Variants in COG5 observed in about 807,000 individuals in gnomAD.
The protein encoded by COG5 is component of oligomeric golgi complex 5.
In COG5, 86 loss-of-function variants were observed where a neutral mutation model predicts 110.4. That is an observed-to-expected ratio of 0.78 (90% CI 0.65 to 0.93). The LOEUF is 0.93. Ranked by LOEUF, COG5 falls within the 40% of genes least tolerant of loss-of-function variation. The pLI is 0.00. For synonymous variants in COG5, 360 were observed against 334.6 expected (o/e 1.08, Z -0.83); for missense variants, 1,077 against 987.0 (o/e 1.09, Z -1.22).
intron 6 of COG5, among the ~76,000 whole-genome samples, chr7:107,470,646 A>G (rs1215973545): frequency 6.6e-6 from 1 of 152,116 alleles, no homozygotes; most frequent in Non-Finnish European, 1.5e-5. Flanking sequence ...AAATACAAAT[A>G]TTCTTTGTAA....
Position 107,290,645 on chromosome 7 carries a change from A to G in COG5, c.1314-6913T>C, listed in dbSNP as rs75313311. ...TTCTCTTTTTTAAATCAAGGAAAGT[A>G]TTTTGCCTTCATTTTTGAAAGGACA... is the stretch of plus-strand genomic sequence containing the variant. On this transcript the variant is annotated intron_variant, in intron 12 of 21. Transcript: ENST00000297135. Among the ~76,000 whole-genome samples, 858 of 152,204 alleles carry G rather than the reference A, an allele frequency of 5.6e-3. 48 individuals are homozygous for G. The East Asian group carries it at 0.11, about 19-fold the overall frequency.
At chr7:107,475,937 A>G (rs939255830) in intron 6 of COG5, among the ~76,000 whole-genome samples, 3 of 151,502 alleles carry the variant, frequency 2.0e-5, no homozygotes, top group Non-Finnish European at 4.4e-5. Flanking sequence ...CATAGAATTT[A>G]TCAAAATTTT....
At chr7:107,226,310 T>G (rs138437501) in intron 19 of COG5, among the ~76,000 whole-genome samples, 10 of 152,324 alleles carry the variant, frequency 6.6e-5, no homozygotes, top group Admixed American at 2.0e-4. Flanking sequence ...AAGGTCTAAC[T>G]TGGATGATGC....
chr7:107,558,626 C>T (rs62483724), intron 1 of COG5, among the ~76,000 whole-genome samples: 60,622 of 149,668 alleles, frequency 0.41, 12,682 homozygotes, highest in Non-Finnish European at 0.47. Flanking sequence ...GTGGCTCACA[C>T]CTGTAATCCC....
chr7:107,455,541 CAA>C (rs941793833), intron 6 of COG5, among the ~76,000 whole-genome samples: 15 of 152,076 alleles, frequency 9.9e-5, no homozygotes, highest in African/African-American at 3.1e-4. Flanking sequence ...AAAAAGAAAA[CAA>C]AGAATATGTG....
chr7:107,386,932 C>T (rs535316284), intron 7 of COG5, among the ~76,000 whole-genome samples: 90 of 152,230 alleles, frequency 5.9e-4, no homozygotes, highest in Non-Finnish European at 1.2e-3. Context: ...CCTTTTCCCT[C>T]AGCCCCACTA....
intron 10 of COG5, among the ~76,000 whole-genome samples, chr7:107,328,163 T>G (rs1809930162): frequency 6.6e-6 from 1 of 152,230 alleles, no homozygotes; most frequent in African/African-American, 2.4e-5. Context: ...AATCACAGAA[T>G]GTACTTACAC....
At chr7:107,335,623 T>C (rs1372029346) in intron 10 of COG5, among the ~76,000 whole-genome samples, 1 of 152,134 alleles carries the variant, frequency 6.6e-6, no homozygotes, top group Non-Finnish European at 1.5e-5. Context: ...TTATTAGTAA[T>C]AACAGCGAAT....
chr7:107,419,910 A>C (rs778635244), intron 6 of COG5, among the ~76,000 whole-genome samples: 5 of 152,226 alleles, frequency 3.3e-5, no homozygotes, highest in African/African-American at 7.2e-5. Flanking sequence ...AAAGCCTATT[A>C]AATAACACGT....
At chr7:107,363,445 C>T (rs1813303159) in intron 8 of COG5, among the ~76,000 whole-genome samples, 2 of 152,046 alleles carry the variant, frequency 1.3e-5, no homozygotes, top group South Asian at 4.2e-4. Context: ...CAAAATAATA[C>T]TGATGGTAAT....
At chr7:107,557,525 G>A (rs527934752) in intron 2 of COG5, among the ~76,000 whole-genome samples, 2 of 152,228 alleles carry the variant, frequency 1.3e-5, no homozygotes, top group South Asian at 2.1e-4. Context: ...ATTAGGACCC[G>A]TCGCCTAACA....
chr7:107,518,499 G>A (rs557708885), intron 6 of COG5, among the ~76,000 whole-genome samples: 19 of 151,982 alleles, frequency 1.3e-4, no homozygotes, highest in Admixed American at 4.6e-4. Context: ...AAAAAAGCAG[G>A]GGTTACAATC....
chr7:107,389,353 T>C (rs1790449316), intron 7 of COG5, among the ~76,000 whole-genome samples: 1 of 152,200 alleles, frequency 6.6e-6, no homozygotes, highest in South Asian at 2.1e-4. Context: ...AGGTGCCAGA[T>C]AACACTACAT....
chr7:107,354,129 C>T (rs531412272), intron 10 of COG5, among the ~76,000 whole-genome samples: 8 of 152,102 alleles, frequency 5.3e-5, no homozygotes, highest in Non-Finnish European at 1.2e-4. Flanking sequence ...AACAAAATTA[C>T]CACGTTAGGT....
At chr7:107,356,457 T>C (rs1262693255) in intron 10 of COG5, among the ~76,000 whole-genome samples, 2 of 152,146 alleles carry the variant, frequency 1.3e-5, no homozygotes, top group African/African-American at 4.8e-5. Flanking sequence ...CACAGCTATT[T>C]GGGAGGCTGA....
At position 107,369,688 on chromosome 7, in the gene COG5, A is replaced by C. The variant is rs373779687; in HGVS notation, c.835+2907T>G. Among the ~76,000 whole-genome samples the C allele has an allele frequency of 9.4e-4, 143 of 152,258 alleles. 4 individuals carry two copies. In the South Asian group the frequency reaches 0.013, roughly 13 times the overall value. ...ACAGGCATGAGCCAACACGCCGGCC[A>C]GGTAACAAAAATTCTTACATATACA... On this transcript the variant is annotated intron_variant, in intron 8 of 21. Coordinates refer to ENST00000297135, the MANE Select transcript of COG5 (RefSeq NM_006348.5).
intron 6 of COG5, among the ~76,000 whole-genome samples, chr7:107,422,056 GA>G (rs1793331398): frequency 6.6e-6 from 1 of 151,638 alleles, no homozygotes; most frequent in Non-Finnish European, 1.5e-5. Flanking sequence ...CAAGAAACTA[GA>G]AAAAAGGTAA....
intron 6 of COG5, among the ~76,000 whole-genome samples, chr7:107,421,001 G>A (rs1405313722): frequency 2.0e-5 from 3 of 152,122 alleles, no homozygotes; most frequent in Non-Finnish European, 4.4e-5. Context: ...TTAAAAATGA[G>A]AATTAGTTTT....
intron 10 of COG5, among the ~76,000 whole-genome samples, chr7:107,345,938 A>G (rs1396003393): frequency 2.6e-5 from 4 of 152,206 alleles, no homozygotes; most frequent in Non-Finnish European, 5.9e-5. Context: ...TGTATCAGAA[A>G]ATCAGAATAT....
Sources: allele counts gnomAD v4.1 joint callset (sites outside exome capture counted in the v4.1 genomes callset), GRCh38; gene constraint gnomAD v4.1.1; transcripts MANE v1.5; gene names NCBI Gene and HGNC (gene_info 2026-07-23, HGNC 2026-07-21).